PPM1L: variants seen among roughly 807,000 people sequenced by gnomAD.
PPM1L encodes the protein protein phosphatase 1L.
A neutral mutation model predicts 31.4 loss-of-function variants in PPM1L; 13 were observed. The ratio of observed to expected loss-of-function variants is 0.41; its 90% CI spans 0.27 to 0.66. PPM1L has a LOEUF of 0.66. Ranked by LOEUF, PPM1L falls within the 30% of genes least tolerant of loss-of-function variation. The probability of loss-of-function intolerance (pLI) is 0.29; values close to 1 mark genes in which losing one functional copy is unlikely to be tolerated. For synonymous variants in PPM1L, 184 were observed against 175.4 expected (o/e 1.05, Z -0.39); for missense variants, 326 against 453.7 (o/e 0.72, Z 2.56).
chr3:160,985,981 C>CCCA lies in PPM1L; in HGVS notation c.574+24071_574+24072insCCA, dbSNP rs1553752452. Among the ~76,000 whole-genome samples, 9 of 149,036 alleles carry CCCA rather than the reference C, an allele frequency of 6.0e-5. 1 individual carries two copies. The highest frequency in any genetic ancestry group is 2.0e-4 in the African/African-American group (8 of 40,704). On this transcript the variant is annotated intron_variant, in intron 2 of 3. Transcript: ENST00000498165. The stretch of plus-strand genomic sequence containing the variant: ...TCTCAGGGAACACTCTCCACCCACC[C>CCCA]AAAAAAAAAAATAGCACCTCAAAGC...
intron 1 of PPM1L, among the ~76,000 whole-genome samples, chr3:160,808,291 G>C (rs770195929): frequency 4.5e-5 from 4 of 89,484 alleles, no homozygotes; most frequent in Non-Finnish European, 1.9e-5. Context: ...ATTTTCCTCT[G>C]TGTGTGTGTG....
intron 2 of PPM1L, among the ~76,000 whole-genome samples, chr3:160,968,091 A>G (rs958584775): frequency 1.4e-5 from 2 of 147,886 alleles, no homozygotes; most frequent in East Asian, 1.9e-4. Flanking sequence ...GCATCTGCTC[A>G]TGAATATTCC....
At chr3:160,858,286 A>G (rs1261161867) in intron 1 of PPM1L, among the ~76,000 whole-genome samples, 1 of 151,806 alleles carries the variant, frequency 6.6e-6, no homozygotes, top group Admixed American at 6.6e-5. Flanking sequence ...TCGCTCTGTC[A>G]TCCAGGCTGG....
rs1196785101 is a variant in PPM1L at position 161,075,926 on chromosome 3, G to A, written c.*6769G>A. 5.3e-5 allele frequency: 8 copies of A among 152,146 alleles called. No homozygotes were observed. Among genetic ancestry groups the A allele is most frequent in the East Asian group, 3.9e-4 (2 of 5,176 alleles). 9.4% of individuals were successfully genotyped at this position (152,146 alleles called of 1,614,324 possible). A position where few individuals can be genotyped will look rare whatever the true frequency, so the allele number is the denominator to read the frequency against. ...CTTTACTGTCCCAGATTCCATTCAC[G>A]TTCCAAATCGTGGACAGTAAAACTG... On this transcript the variant is annotated 3_prime_UTR_variant, in exon 4 of 4. Coordinates refer to ENST00000498165, the MANE Select transcript of PPM1L (RefSeq NM_139245.4).
At chr3:160,989,621 C>A (rs1717067282) in intron 2 of PPM1L, among the ~76,000 whole-genome samples, 1 of 152,086 alleles carries the variant, frequency 6.6e-6, no homozygotes. Flanking sequence ...CTCAGCCTCA[C>A]AAAGTGCTAG....
Position 160,975,880 on chromosome 3 carries a change from A to G in PPM1L, c.574+13970A>G, listed in dbSNP as rs1353037240. On this transcript the variant is annotated intron_variant, in intron 2 of 3. Transcript: ENST00000498165. ...TACCCTTTATTTCCTTCTCCTGCCT[A>G]ATTGCCCTGGCCAGAACTTCCAACA... Among the ~76,000 whole-genome samples, 27 of 145,868 alleles carry G rather than the reference A, an allele frequency of 1.9e-4. 1 individual carries two copies. The highest frequency in any genetic ancestry group is 9.1e-5 in the Non-Finnish European group (6 of 65,994).
chr3:160,972,514 A>C (rs561265559), intron 2 of PPM1L, among the ~76,000 whole-genome samples: 3 of 152,054 alleles, frequency 2.0e-5, no homozygotes, highest in African/African-American at 7.2e-5. Flanking sequence ...CCATGTCCCT[A>C]CAAAGGACAT....
At chr3:160,872,095 A>G (rs935834205) in intron 1 of PPM1L, among the ~76,000 whole-genome samples, 1 of 152,186 alleles carries the variant, frequency 6.6e-6, no homozygotes, top group Non-Finnish European at 1.5e-5. Flanking sequence ...GAAAGGTGAT[A>G]TGGGCTTTTA....
Position 161,075,622 on chromosome 3 carries a change from T to G in PPM1L, c.*6465T>G, listed in dbSNP as rs1158049156. On this transcript the variant is annotated 3_prime_UTR_variant, in exon 4 of 4. Coordinates refer to ENST00000498165, the MANE Select transcript of PPM1L (RefSeq NM_139245.4). ...AATCAGTTTCCAGTGTGGTCAAAAT[T>G]AGAATGTAAAGGAAAGCATTTTTAA... is the stretch of plus-strand genomic sequence containing the variant. 1.3e-5 allele frequency: 2 copies of G among 152,106 alleles called. No individual in the cohort carries two copies. Among genetic ancestry groups the G allele is most frequent in the African/African-American group, 2.4e-5 (1 of 41,426 alleles). 9.4% of individuals were successfully genotyped at this position (152,106 alleles called of 1,614,324 possible). A position where few individuals can be genotyped will look rare whatever the true frequency, so the allele number is the denominator to read the frequency against.
chr3:161,044,569 G>A (rs1337046980), intron 2 of PPM1L, among the ~76,000 whole-genome samples: 1 of 151,684 alleles, frequency 6.6e-6, no homozygotes, highest in Non-Finnish European at 1.5e-5. Context: ...GTAAGATGTT[G>A]CTGAGAGATT....
intron 1 of PPM1L, among the ~76,000 whole-genome samples, chr3:160,809,684 G>T (rs147464297): frequency 6.6e-6 from 1 of 152,176 alleles, no homozygotes; most frequent in Non-Finnish European, 1.5e-5. Flanking sequence ...GTCCTTGCTT[G>T]CTCTTACCAT....
chr3:161,060,591 T>C (rs183191008), intron 2 of PPM1L, among the ~76,000 whole-genome samples: 3 of 152,192 alleles, frequency 2.0e-5, no homozygotes, highest in East Asian at 1.9e-4. Flanking sequence ...AGAGAAAAAT[T>C]AAGGATGATT....
intron 1 of PPM1L, among the ~76,000 whole-genome samples, chr3:160,788,712 C>G (rs1413870318): frequency 6.6e-6 from 1 of 151,550 alleles, no homozygotes; most frequent in South Asian, 2.1e-4. Flanking sequence ...TTATTTTTAC[C>G]TTTGATCAAT....
chr3:160,944,487 G>A (rs1020969811), intron 1 of PPM1L, among the ~76,000 whole-genome samples: 1 of 150,234 alleles, frequency 6.7e-6, no homozygotes, highest in Non-Finnish European at 1.5e-5. Flanking sequence ...ACTGCTAAAA[G>A]ACTACAATTT....
intron 1 of PPM1L, among the ~76,000 whole-genome samples, chr3:160,892,718 G>T (rs1171228531): frequency 1.3e-5 from 2 of 151,656 alleles, no homozygotes; most frequent in Non-Finnish European, 2.9e-5. Flanking sequence ...TCAAGAATCT[G>T]CTCTGCAACT....
chr3:161,008,371 T>C (rs1717783505), intron 2 of PPM1L, among the ~76,000 whole-genome samples: 1 of 152,174 alleles, frequency 6.6e-6, no homozygotes, highest in East Asian at 1.9e-4. Flanking sequence ...TCATATCCTT[T>C]TTGTCCAATC....
Position 160,899,703 on chromosome 3 carries a change from T to C in PPM1L, c.400-62033T>C, listed in dbSNP as rs191063388. On this transcript the variant is annotated intron_variant, in intron 1 of 3. Transcript: ENST00000498165. ...TAGTTTTGTGTTATTTAATAAGTTA[T>C]TTTTATTTGTACTGCCTTTGGGTTG... Among the ~76,000 whole-genome samples, 338 of 152,332 alleles carry C rather than the reference T, an allele frequency of 2.2e-3. 1 individual carries two copies. Among genetic ancestry groups the C allele is most frequent in the African/African-American group, 7.6e-3 (318 of 41,580 alleles).
intron 1 of PPM1L, among the ~76,000 whole-genome samples, chr3:160,818,739 AT>A (rs1487347819): frequency 6.6e-6 from 1 of 151,942 alleles, no homozygotes; most frequent in Non-Finnish European, 1.5e-5. Context: ...AATTATACTT[AT>A]GTATGGGGTA....
At chr3:160,876,808 G>A (rs891591671) in intron 1 of PPM1L, among the ~76,000 whole-genome samples, 2 of 152,182 alleles carry the variant, frequency 1.3e-5, no homozygotes, top group African/African-American at 4.8e-5. Flanking sequence ...TTTCCCTAAT[G>A]ACACAGAAGG....
Sources: allele counts gnomAD v4.1 joint callset (sites outside exome capture counted in the v4.1 genomes callset), GRCh38; gene constraint gnomAD v4.1.1; transcripts MANE v1.5; gene names NCBI Gene and HGNC (gene_info 2026-07-23, HGNC 2026-07-21).